Variants in GFM1 observed in about 807,000 individuals in gnomAD.
The protein encoded by GFM1 is elongation factor G, mitochondrial.
Under a neutral mutation model 96.2 loss-of-function variants are expected in GFM1, and 62 were observed. The observed-to-expected ratio is 0.64, with a 90% CI of 0.53 to 0.80. The LOEUF (loss-of-function observed/expected upper bound fraction) is 0.80. GFM1 is among the 30% of genes least tolerant of loss of function. GFM1 has a pLI of 0.00. For synonymous variants in GFM1, 282 were observed against 312.9 expected, an observed-to-expected ratio of 0.90 and a Z score of 1.04; for missense variants, 852 against 916.6, an observed-to-expected ratio of 0.93 and a Z score of 0.91.
Position 158,682,056 on chromosome 3 carries a change from G to T in GFM1, c.1663G>T (p.Val555Phe). The T allele has an allele frequency of 6.2e-7, 1 of 1,613,354 alleles. No homozygotes were observed. Residue 555 changes from valine (V) to phenylalanine (F), a missense_variant, in exon 14 of 18, where the codon GTC becomes TTC. Transcript: ENST00000486715. ...GAGQYGKVIG[V>F]LEPLDPEDYT... is the part of the protein sequence containing the mutation. ...AGGCCAGTATGGAAAAGTAATAGGT[G>T]TCCTGGAGCCTCTGGACCCAGAGGA... is the stretch of plus-strand genomic sequence containing the variant.
intron 9 of GFM1, among the ~76,000 whole-genome samples, chr3:158,659,801 C>G (rs1318785204): frequency 6.6e-6 from 1 of 152,120 alleles, no homozygotes; most frequent in Non-Finnish European, 1.5e-5. Context: ...GTAGCCATAA[C>G]TTTTGTTTCT....
intron 11 of GFM1, among the ~76,000 whole-genome samples, chr3:158,664,423 G>C (rs1723446833): frequency 6.6e-6 from 1 of 152,210 alleles, no homozygotes; most frequent in Non-Finnish European, 1.5e-5. Context: ...AATTCCTTGT[G>C]GTTGTAGGAT....
chr3:158,652,361 T>C, intron 6 of GFM1, 115 bp downstream of exon 6: 1 of 882,018 alleles, frequency 1.1e-6, no homozygotes, highest in Non-Finnish European at 1.8e-6. Context: ...TCTCAATACA[T>C]TTATTTAACA....
At chr3:158,655,765 A>T (rs188731268) in intron 8 of GFM1, 141 of 447,442 alleles carry the variant, frequency 3.2e-4, no homozygotes, top group Non-Finnish European at 5.2e-4. Context: ...CTGATATATT[A>T]TTATTAACTA....
chr3:158,660,459 G>T, intron 9 of GFM1: 1 of 199,682 alleles, frequency 5.0e-6, no homozygotes, highest in Non-Finnish European at 1.0e-5. Flanking sequence ...TGTTGGACAG[G>T]CTGGTCTTGA....
At chr3:158,649,887 C>A in intron 5 of GFM1, 2 of 787,782 alleles carry the variant, frequency 2.5e-6, no homozygotes, top group South Asian at 3.2e-5. Flanking sequence ...CCAGTTGATG[C>A]TGCTCTTACA....
intron 15 of GFM1, among the ~76,000 whole-genome samples, chr3:158,687,711 A>C (rs889661311): frequency 6.6e-6 from 1 of 151,738 alleles, no homozygotes; most frequent in Non-Finnish European, 1.5e-5. Context: ...CTAATGATCC[A>C]CCTGCCTCCG....
chr3:158,676,815 T>C (rs1375640800), intron 13 of GFM1, among the ~76,000 whole-genome samples: 2 of 151,758 alleles, frequency 1.3e-5, no homozygotes, highest in African/African-American at 4.8e-5. Context: ...TTCTCCTGCC[T>C]CAGCTTCCCG....
chr3:158,669,349 G>T, intron 13 of GFM1: 1 of 1,362,580 alleles, frequency 7.3e-7, no homozygotes. Context: ...AACATACTTA[G>T]CAACTAACAA....
At position 158,646,766 on chromosome 3, in the gene GFM1, G is replaced by C. The variant is rs1171253845; in HGVS notation, c.391G>C (p.Val131Leu). The C allele has an allele frequency of 2.5e-6, 4 of 1,613,846 alleles. No individual in the cohort carries two copies. In the South Asian group the frequency reaches 4.4e-5, roughly 18 times the overall value. Residue 131 changes from valine to leucine, a missense_variant, in exon 4 of 18, where the codon GTG becomes CTG. Physicochemically the swap from Val to Leu is conservative, Grantham distance 32. Coordinates refer to ENST00000486715, the MANE Select transcript of GFM1 (RefSeq NM_024996.7). ...AGGGCATGTGGACTTCACAATAGAA[G>C]TGGAAAGGGCCCTGAGAGTGTTGGA... The part of the protein sequence containing the change: ...TPGHVDFTIE[V>L]ERALRVLDGA...
chr3:158,680,648 T>G (rs1377000865), intron 13 of GFM1, among the ~76,000 whole-genome samples: 2 of 152,206 alleles, frequency 1.3e-5, no homozygotes, highest in East Asian at 3.8e-4. Flanking sequence ...AGTTACTTAG[T>G]CTCTCTGTCC....
Position 158,682,049 on chromosome 3 carries a change from A to G in GFM1, c.1656A>G (p.Val552=), listed in dbSNP as rs767454202. The G allele has an allele frequency of 6.8e-6, 11 of 1,613,812 alleles. No individual in the cohort carries two copies. Among genetic ancestry groups the G allele is most frequent in the Non-Finnish European group, 8.5e-6 (10 of 1,179,802 alleles). The change falls in exon 14 of 18, where the codon GTA becomes GTG. Residue 552 remains valine (V), a synonymous_variant. Transcript: ENST00000486715. ...GTGGTGCAGGCCAGTATGGAAAAGT[A>G]ATAGGTGTCCTGGAGCCTCTGGACC... ...QSGGAGQYGK[V]IGVLEPLDPE...
In GFM1 at chr3:158,692,385, C is replaced by T. The variant is rs1363476801; in HGVS notation, c.*918C>T. On this transcript the variant is annotated 3_prime_UTR_variant, in exon 18 of 18. Coordinates refer to ENST00000486715, the MANE Select transcript of GFM1 (RefSeq NM_024996.7). Reference sequence around the variant, plus strand: ...TAAATTTGAATTCCTTGGAATTTATCGTATATTGTATTCACTGAGATTATG... The same window carrying T: ...TAAATTTGAATTCCTTGGAATTTATTGTATATTGTATTCACTGAGATTATG... 2 of 152,142 alleles carry T rather than the reference C, an allele frequency of 1.3e-5. No individual in the cohort carries two copies. The highest frequency in any genetic ancestry group is 4.8e-5 in the African/African-American group (2 of 41,442). 9.4% of individuals were successfully genotyped at this position (152,142 alleles called of 1,614,324 possible).
intron 10 of GFM1, among the ~76,000 whole-genome samples, chr3:158,661,595 T>C (rs1723203868): frequency 6.6e-6 from 1 of 152,210 alleles, no homozygotes; most frequent in African/African-American, 2.4e-5. Flanking sequence ...CACAGGTAGC[T>C]CCTGCCTTTG....
intron 13 of GFM1, among the ~76,000 whole-genome samples, chr3:158,667,340 T>C (rs1723808664): frequency 6.6e-6 from 1 of 152,230 alleles, no homozygotes; most frequent in Non-Finnish European, 1.5e-5. Flanking sequence ...CAAGTTGTGG[T>C]GGCTACTTAA....
chr3:158,690,344 G>A, intron 16 of GFM1, 21 bp downstream of exon 16: 1 of 1,609,122 alleles, frequency 6.2e-7, no homozygotes, highest in Non-Finnish European at 8.5e-7. Context: ...TTGGTCATTG[G>A]CAGTCCTGCT....
Position 158,664,617 on chromosome 3 carries a change from C to G in GFM1, c.1381-720C>G, listed in dbSNP as rs149896096. On this transcript the variant is annotated intron_variant, in intron 11 of 17. Transcript: ENST00000486715. ...TCCTTCATGGAATCCCTCTGACCCC[C>G]CCTTCTAGCTTCCTCCTCCATGTTT... Among the ~76,000 whole-genome samples, 245 of 152,300 alleles carry G rather than the reference C, an allele frequency of 1.6e-3. 3 individuals are homozygous for G. Among genetic ancestry groups the G allele is most frequent in the African/African-American group, 5.6e-3 (233 of 41,568 alleles).
intron 16 of GFM1, among the ~76,000 whole-genome samples, chr3:158,690,908 G>A (rs1726260499): frequency 6.6e-6 from 1 of 152,232 alleles, no homozygotes; most frequent in Non-Finnish European, 1.5e-5. Flanking sequence ...TTCACTCCAC[G>A]AAGTGGAAAG....
At chr3:158,674,220 A>G (rs992787738) in intron 13 of GFM1, among the ~76,000 whole-genome samples, 3 of 151,666 alleles carry the variant, frequency 2.0e-5, no homozygotes, top group African/African-American at 7.3e-5. Flanking sequence ...ATCTGGGACT[A>G]CAGGTGCACT....
Sources: allele counts gnomAD v4.1 joint callset (sites outside exome capture counted in the v4.1 genomes callset), GRCh38; gene constraint gnomAD v4.1.1; transcripts MANE v1.5; gene names NCBI Gene and HGNC (gene_info 2026-07-23, HGNC 2026-07-21).